Variants in IP6K1 observed in about 807,000 individuals in gnomAD.
The protein encoded by IP6K1 is inositol hexakisphosphate kinase 1.
IP6K1 carries 13 observed loss-of-function variants against 38.3 expected under a neutral mutation model. That is an observed-to-expected ratio of 0.34 (90% CI 0.22 to 0.54). The LOEUF (loss-of-function observed/expected upper bound fraction) is 0.54. Among genes scored for constraint, IP6K1 ranks in the 20% least tolerant of loss-of-function variants. IP6K1 has a pLI of 0.92. For missense variants in IP6K1, 397 were observed against 599.8 expected (o/e 0.66, Z 3.53); for synonymous variants, 212 against 229.9 (o/e 0.92, Z 0.70).
intron 2 of IP6K1, among the ~76,000 whole-genome samples, chr3:49,745,833 G>A (rs1193837802): frequency 2.2e-4 from 30 of 138,586 alleles, no homozygotes; most frequent in Non-Finnish European, 4.2e-4. Flanking sequence ...CAGCCTGGGC[G>A]ACAGAGCAAG....
intron 1 of IP6K1, among the ~76,000 whole-genome samples, chr3:49,776,891 C>A (rs1337516350): frequency 2.0e-5 from 3 of 152,162 alleles, no homozygotes; most frequent in Admixed American, 6.5e-5. Context: ...AGAAAGCAGG[C>A]TGGGGTTGAC....
intron 3 of IP6K1, among the ~76,000 whole-genome samples, chr3:49,736,915 G>A (rs894337897): frequency 4.0e-5 from 6 of 151,646 alleles, no homozygotes; most frequent in Non-Finnish European, 5.9e-5. Context: ...GGGACTACAG[G>A]TGCCCACCAC....
chr3:49,741,719 A>G (rs1371748129), intron 2 of IP6K1, among the ~76,000 whole-genome samples: 1 of 152,196 alleles, frequency 6.6e-6, no homozygotes, highest in Non-Finnish European at 1.5e-5. Context: ...TCTGCCATAA[A>G]TATGCCAAAG....
intron 2 of IP6K1, among the ~76,000 whole-genome samples, chr3:49,744,485 T>G (rs990769871): frequency 6.6e-6 from 1 of 150,978 alleles, no homozygotes; most frequent in Non-Finnish European, 1.5e-5. Flanking sequence ...TTTATCAGTA[T>G]AGACTTGTGG....
chr3:49,770,215 C>G (rs2080945219), intron 1 of IP6K1, among the ~76,000 whole-genome samples: 1 of 152,120 alleles, frequency 6.6e-6, no homozygotes, highest in African/African-American at 2.4e-5. Flanking sequence ...GAGGTAATAA[C>G]TGTTTGCTGT....
intron 1 of IP6K1, among the ~76,000 whole-genome samples, chr3:49,770,933 A>G (rs2108257700): frequency 6.6e-6 from 1 of 152,052 alleles, no homozygotes. Flanking sequence ...AAATATGCTG[A>G]GACCTCCGTT....
At chr3:49,737,630 G>A (rs1305341320) in intron 3 of IP6K1, among the ~76,000 whole-genome samples, 3 of 152,206 alleles carry the variant, frequency 2.0e-5, no homozygotes, top group Non-Finnish European at 4.4e-5. Context: ...AGGTTGCAGT[G>A]ACGCAAGATG....
At chr3:49,782,032 G>A (rs1239212216) in intron 1 of IP6K1, among the ~76,000 whole-genome samples, 1 of 151,992 alleles carries the variant, frequency 6.6e-6, no homozygotes, top group Non-Finnish European at 1.5e-5. Flanking sequence ...ATTCGAGGCT[G>A]CAGTGAGCTA....
chr3:49,761,609 GTC>G (rs1297426406), intron 1 of IP6K1, among the ~76,000 whole-genome samples: 4 of 114,552 alleles, frequency 3.5e-5, no homozygotes, highest in African/African-American at 1.5e-4. Context: ...GCGAGACTCC[GTC>G]TCAAAAAAAA....
intron 1 of IP6K1, among the ~76,000 whole-genome samples, chr3:49,785,293 G>A (rs573212700): frequency 9.2e-5 from 14 of 152,148 alleles, no homozygotes; most frequent in Admixed American, 9.2e-4. Flanking sequence ...GGATCACGAG[G>A]TCAGGAGTTC....
At chr3:49,750,396 G>C (rs1403495229) in intron 1 of IP6K1, among the ~76,000 whole-genome samples, 1 of 152,164 alleles carries the variant, frequency 6.6e-6, no homozygotes, top group African/African-American at 2.4e-5. Flanking sequence ...TGGTGCAGGA[G>C]GAGAGTCAAG....
intron 1 of IP6K1, among the ~76,000 whole-genome samples, chr3:49,755,096 CTTTTT>C (rs559780072): frequency 8.9e-6 from 1 of 111,944 alleles, no homozygotes; most frequent in African/African-American, 3.3e-5. Context: ...CCAAGCCTGG[CTTTTT>C]TTTTTTTTTT....
At chr3:49,737,318 CTT>C (rs1333897108) in intron 3 of IP6K1, among the ~76,000 whole-genome samples, 4 of 152,176 alleles carry the variant, frequency 2.6e-5, no homozygotes, top group African/African-American at 4.8e-5. Flanking sequence ...CTTGTCAACA[CTT>C]TTATTGTCTG....
At chr3:49,758,521 C>T (rs1467181019) in intron 1 of IP6K1, 2 of 151,986 alleles carry the variant, frequency 1.3e-5, no homozygotes, top group African/African-American at 4.8e-5. Context: ...TCGTTGTATC[C>T]CTGGGAGCCG....
intron 3 of IP6K1, among the ~76,000 whole-genome samples, chr3:49,737,484 G>A (rs376728706): frequency 1.2e-4 from 19 of 152,236 alleles, no homozygotes; most frequent in African/African-American, 4.1e-4. Flanking sequence ...TCAGGAGTTC[G>A]AGACCAGCCT....
chr3:49,751,148 C>T (rs548779480), intron 1 of IP6K1, among the ~76,000 whole-genome samples: 1 of 93,344 alleles, frequency 1.1e-5, no homozygotes, highest in African/African-American at 4.7e-5. Flanking sequence ...GCTCTGACTC[C>T]TTTTTTTTTT....
chr3:49,747,738 C>T, intron 2 of IP6K1, 80 bp downstream of exon 2: 3 of 1,574,874 alleles, frequency 1.9e-6, no homozygotes, highest in Non-Finnish European at 2.6e-6. Flanking sequence ...TATATCATGG[C>T]AAACAAACCA....
chr3:49,767,102 A>T (rs1024601466), intron 1 of IP6K1, among the ~76,000 whole-genome samples: 14 of 148,478 alleles, frequency 9.4e-5, no homozygotes, highest in Middle Eastern at 3.5e-3. Context: ...TCTCCACAAA[A>T]TTTTTTTTTT....
At chr3:49,765,458 G>A (rs369018303) in intron 1 of IP6K1, among the ~76,000 whole-genome samples, 1 of 143,050 alleles carries the variant, frequency 7.0e-6, no homozygotes, top group Non-Finnish European at 1.5e-5. Flanking sequence ...TGGCCAACAT[G>A]GTCAAACTCT....
Sources: gnomAD v4.1 joint callset for allele counts (sites outside exome capture counted in the v4.1 genomes callset) on GRCh38, gnomAD v4.1.1 for gene constraint, MANE v1.5 for transcripts, NCBI Gene and HGNC (gene_info 2026-07-23, HGNC 2026-07-21) for gene names.